OR4E2: variants seen among roughly 807,000 people sequenced by gnomAD.
OR4E2 encodes the protein olfactory receptor 4E2.
In OR4E2, 9 loss-of-function variants were observed where a neutral mutation model predicts 11.0. The ratio of observed to expected loss-of-function variants is 0.82; its 90% confidence interval spans 0.49 to 1.43. The LOEUF is 1.43. Among genes scored for constraint, OR4E2 ranks in the 40% most tolerant of loss-of-function variants. The pLI, the probability that OR4E2 is intolerant of heterozygous loss-of-function variation, is 0.00. For missense variants in OR4E2, 441 were observed against 382.0 expected, an observed-to-expected ratio of 1.15 and a Z score of -1.29; for synonymous variants, 159 against 147.3, an observed-to-expected ratio of 1.08 and a Z score of -0.57.
intron 3 of OR4E2, among the ~76,000 whole-genome samples, chr14:21,662,757 G>C (rs1468574431): frequency 6.6e-6 from 1 of 152,066 alleles, no homozygotes; most frequent in Non-Finnish European, 1.5e-5. Context: ...GTGAACTACT[G>C]TTCCTAATGT....
At chr14:21,657,524 T>G (rs1377706420) in intron 2 of OR4E2, among the ~76,000 whole-genome samples, 2 of 147,276 alleles carry the variant, frequency 1.4e-5, no homozygotes, top group African/African-American at 2.5e-5. Context: ...TGTTTTTCTT[T>G]CTTTCTTTCT....
Position 21,665,689 on chromosome 14 carries a change from A to T in OR4E2, c.607A>T (p.Ser203Cys). ...CACAGGAATACTGATTGTGACCAAT[A>T]GTGGAACCATCTCCCTCTCCTGTTT... ...YLTGILIVTNSGTISLSCFLA... is the reference protein window; with the variant it reads ...YLTGILIVTNCGTISLSCFLA... The change falls in exon 4 of 4, where the codon AGT becomes TGT. Residue 203 changes from serine (S) to cysteine (C), a missense_variant. By Grantham distance (112) the Ser-to-Cys change is moderately radical. Coordinates refer to ENST00000641524, the MANE Select transcript of OR4E2 (RefSeq NM_001001912.3). The T allele has an allele frequency of 1.2e-6, 2 of 1,614,160 alleles. No homozygotes were observed. The highest frequency in any genetic ancestry group is 1.7e-6 in the Non-Finnish European group (2 of 1,180,008).
At position 21,657,113 on chromosome 14, in the gene OR4E2, C is replaced by A. The variant is rs1197778295; in HGVS notation, c.-103+524C>A. The stretch of plus-strand genomic sequence containing the variant: ...TGAAGTCTTTTTTACTGGCAGATGG[C>A]CATTCAGTCTTTGTTTCTAAGAGCA... On this transcript the variant is annotated intron_variant, in intron 2 of 3. Transcript: ENST00000641524. 3.9e-5 allele frequency among the ~76,000 whole-genome samples: 6 copies of A among 152,252 alleles called. No homozygotes were observed. In the South Asian group the frequency reaches 8.3e-4, roughly 21 times the overall value.
chr14:21,658,580 T>C (rs1198958868), intron 2 of OR4E2, among the ~76,000 whole-genome samples: 1 of 152,082 alleles, frequency 6.6e-6, no homozygotes, highest in South Asian at 2.1e-4. Flanking sequence ...AAGATAGGGT[T>C]GGAGGTATCA....
At chr14:21,656,980 A>T (rs1047188690) in intron 2 of OR4E2, among the ~76,000 whole-genome samples, 1 of 152,228 alleles carries the variant, frequency 6.6e-6, no homozygotes, top group African/African-American at 2.4e-5. Flanking sequence ...GTAAGGGATC[A>T]AGACCATCAC....
chr14:21,664,666 A>G (rs1880528698), intron 3 of OR4E2, among the ~76,000 whole-genome samples: 1 of 152,248 alleles, frequency 6.6e-6, no homozygotes, highest in Admixed American at 6.5e-5. Context: ...AGACTGTTGC[A>G]GGCTTTGAAT....
In OR4E2 at chr14:21,665,537, G is replaced by A; in HGVS notation, c.455G>A (p.Gly152Asp). 2 of 1,614,104 alleles carry A rather than the reference G, an allele frequency of 1.2e-6. No homozygotes were observed. The highest frequency in any genetic ancestry group is 1.7e-6 in the Non-Finnish European group (2 of 1,180,024). The part of the protein sequence containing the change: ...IQLVFALWLG[G>D]TVHSLGQTFL... ...CTTGTCTTTGCTCTCTGGTTGGGGG[G>A]TACTGTTCACTCACTAGGGCAGACC... is the stretch of plus-strand genomic sequence containing the variant. Residue 152 changes from glycine (G) to aspartate (D), a missense_variant, in exon 4 of 4, where the codon GGT becomes GAT. Gly to Asp is a moderately conservative substitution (Grantham distance 94, BLOSUM62 -1). Coordinates refer to ENST00000641524, the MANE Select transcript of OR4E2 (RefSeq NM_001001912.3).
intron 3 of OR4E2, among the ~76,000 whole-genome samples, chr14:21,663,185 T>C (rs1880428740): frequency 1.3e-5 from 2 of 152,146 alleles, no homozygotes; most frequent in African/African-American, 4.8e-5. Flanking sequence ...TTACTACTCT[T>C]AAAAAAATTT....
Position 21,656,518 on chromosome 14 carries a change from AG to A in OR4E2, c.-173del, listed in dbSNP as rs1296654765. 14 of 152,334 alleles carry A rather than the reference AG, an allele frequency of 9.2e-5. No homozygotes were observed. The highest frequency in any genetic ancestry group is 3.1e-4 in the African/African-American group (13 of 41,570). The allele number at this position is 152,334 out of a possible 1,614,324, so 9.4% of individuals were successfully genotyped here. On this transcript the variant is annotated 5_prime_UTR_variant, in exon 2 of 4. The change creates a new upstream start codon in the 5' untranslated region. Coordinates refer to ENST00000641524, the MANE Select transcript of OR4E2 (RefSeq NM_001001912.3). Reference sequence around the variant, plus strand: ...CATTTCTAGAAACAATTATGAGAAAAGTGAATGAAATAACATTATAGTAACT... The same window carrying A: ...CATTTCTAGAAACAATTATGAGAAAATGAATGAAATAACATTATAGTAACT...
At chr14:21,654,535 C>T (rs781017997) in intron 1 of OR4E2, among the ~76,000 whole-genome samples, 17 of 151,960 alleles carry the variant, frequency 1.1e-4, no homozygotes, top group Non-Finnish European at 2.5e-4. Context: ...GGATTGGTTT[C>T]CAGGATGCCC....
In OR4E2 at chr14:21,665,919, C is replaced by T. The variant is rs1594552029; in HGVS notation, c.837C>T (p.Thr279=). The change falls in exon 4 of 4, where the codon ACC becomes ACT. Residue 279 remains threonine (T), a synonymous_variant. Transcript: ENST00000641524. ...KVVSVFYTVV[T]PLLNPFIYTL... ...TGTCTGTCTTCTACACAGTGGTCAC[C>T]CCTTTGCTGAATCCCTTCATTTACA... The T allele has an allele frequency of 1.9e-6, 3 of 1,613,310 alleles. No homozygotes were observed. The highest frequency in any genetic ancestry group is 2.5e-6 in the Non-Finnish European group (3 of 1,179,714).
intron 1 of OR4E2, among the ~76,000 whole-genome samples, chr14:21,656,274 C>T (rs562314508): frequency 7.0e-4 from 106 of 151,910 alleles, no homozygotes; most frequent in Admixed American, 1.6e-3. Flanking sequence ...ATGGGAGAAT[C>T]GCATAAGCCC....
rs1348878511 is a variant in OR4E2 at position 21,665,744 on chromosome 14, T to C, written c.662T>C (p.Ile221Thr). The C allele has an allele frequency of 1.2e-6, 2 of 1,614,156 alleles. No individual in the cohort carries two copies. The highest frequency in any genetic ancestry group is 1.7e-6 in the Non-Finnish European group (2 of 1,180,016). The change falls in exon 4 of 4, where the codon ATC (isoleucine) becomes ACC (threonine). Residue 221 changes from isoleucine to threonine, a missense_variant. Coordinates refer to ENST00000641524, the MANE Select transcript of OR4E2 (RefSeq NM_001001912.3). Reference protein sequence around the residue: ...FLAVVTSYMVILVSLRKHSAE... With the variant: ...FLAVVTSYMVTLVSLRKHSAE... ...GCCGTGGTCACCTCCTATATGGTCATCCTGGTTTCTCTTCGAAAACACTCA... is the reference window on the plus strand; with the variant it reads ...GCCGTGGTCACCTCCTATATGGTCACCCTGGTTTCTCTTCGAAAACACTCA...
At chr14:21,661,460 A>C (rs1880321842) in intron 3 of OR4E2, among the ~76,000 whole-genome samples, 1 of 152,004 alleles carries the variant, frequency 6.6e-6, no homozygotes, top group Admixed American at 6.6e-5. Context: ...TAATATACTC[A>C]TAATAGGTTC....
chr14:21,666,547 A>G lies in OR4E2; in HGVS notation c.*523A>G, dbSNP rs1168077184. ...ATGTAATTCTCTCATGTCTAGATCT[A>G]TTTTGTACTTTTTTTTTGAGACAGG... is the stretch of plus-strand genomic sequence containing the variant. On this transcript the variant is annotated 3_prime_UTR_variant, in exon 4 of 4. Coordinates refer to ENST00000641524, the MANE Select transcript of OR4E2 (RefSeq NM_001001912.3). The G allele has an allele frequency of 2.7e-5, 4 of 150,324 alleles. No homozygotes were observed. The highest frequency in any genetic ancestry group is 1.9e-4 in the East Asian group (1 of 5,196). The allele number at this position is 150,324 out of a possible 1,614,324, so 9.3% of individuals were successfully genotyped here. A position where few individuals can be genotyped will look rare whatever the true frequency, so the allele number is the denominator to read the frequency against.
intron 2 of OR4E2, among the ~76,000 whole-genome samples, chr14:21,658,162 G>A (rs995547907): frequency 3.9e-5 from 6 of 152,206 alleles, no homozygotes; most frequent in Non-Finnish European, 5.9e-5. Context: ...CTAGGGACAG[G>A]AGAATTGGGA....
At chr14:21,655,207 AG>A (rs1271057353) in intron 1 of OR4E2, among the ~76,000 whole-genome samples, 1 of 152,246 alleles carries the variant, frequency 6.6e-6, no homozygotes, top group African/African-American at 2.4e-5. Flanking sequence ...GTATACGCAG[AG>A]TAATATATGA....
intron 2 of OR4E2, among the ~76,000 whole-genome samples, chr14:21,658,063 A>G (rs920227599): frequency 3.3e-4 from 51 of 152,312 alleles, no homozygotes; most frequent in African/African-American, 1.2e-3. Context: ...CAAATCTTTA[A>G]AAAATAAACT....
intron 2 of OR4E2, among the ~76,000 whole-genome samples, chr14:21,659,182 T>TG (rs1387738794): frequency 6.6e-6 from 1 of 152,108 alleles, no homozygotes; most frequent in Non-Finnish European, 1.5e-5. Context: ...ACTATAGACA[T>TG]GTGCCACCAC....
Sources: gnomAD v4.1 joint callset for allele counts (sites outside exome capture counted in the v4.1 genomes callset) on GRCh38, gnomAD v4.1.1 for gene constraint, MANE v1.5 for transcripts, NCBI Gene and HGNC (gene_info 2026-07-23, HGNC 2026-07-21) for gene names.